PTGFR: variants seen among roughly 807,000 people sequenced by gnomAD.
PTGFR encodes prostaglandin F receptor, also known as prostaglandin F2-alpha receptor.
A neutral mutation model predicts 26.2 loss-of-function variants in PTGFR; 15 were observed. That is an observed-to-expected ratio of 0.57 (90% CI 0.38 to 0.88). The LOEUF is 0.88. Ranked by LOEUF, PTGFR falls within the 40% of genes least tolerant of loss-of-function variation. The pLI is 0.00. For synonymous variants in PTGFR, 165 were observed against 151.1 expected (o/e 1.09, Z -0.68); for missense variants, 369 against 427.2 (o/e 0.86, Z 1.20).
Position 78,529,854 on chromosome 1 carries a change from G to A in PTGFR, c.799-6552G>A, listed in dbSNP as rs988881912. On this transcript the variant is annotated intron_variant, in intron 2 of 2. Coordinates refer to ENST00000370757, the MANE Select transcript of PTGFR (RefSeq NM_000959.4). ...TTCTGCCTCCTGTCAGATCAGTGGC[G>A]GCATTAGATTCTCATAGGAGCACAA... Among the ~76,000 whole-genome samples, 13 of 152,044 alleles carry A rather than the reference G, an allele frequency of 8.6e-5. 1 individual carries two copies. The highest frequency in any genetic ancestry group is 4.1e-4 in the South Asian group (2 of 4,822).
At chr1:78,514,999 G>A (rs1362797057) in intron 2 of PTGFR, among the ~76,000 whole-genome samples, 1 of 152,080 alleles carries the variant, frequency 6.6e-6, no homozygotes, top group African/African-American at 2.4e-5. Flanking sequence ...CTGCAAAACG[G>A]TGAGCCAACT....
intron 2 of PTGFR, among the ~76,000 whole-genome samples, chr1:78,518,433 G>C (rs1031955989): frequency 4.0e-5 from 6 of 151,586 alleles, no homozygotes; most frequent in African/African-American, 1.5e-4. Flanking sequence ...CAAAAAATTA[G>C]GCAACTCTAT....
intron 2 of PTGFR, among the ~76,000 whole-genome samples, chr1:78,524,821 C>A (rs1650328980): frequency 6.9e-6 from 1 of 144,592 alleles, no homozygotes; most frequent in Non-Finnish European, 1.5e-5. Flanking sequence ...CTGTATCTTT[C>A]TATAATAAAA....
rs117486729 is a variant in PTGFR at position 78,494,029 on chromosome 1, G to A, written c.798+488G>A. On this transcript the variant is annotated intron_variant, in intron 2 of 2. Transcript: ENST00000370757. ...GGTGGATAGTTCAGGTGTACTGCAT[G>A]GATAGTTCAAGTGAAGAAATCAGTA... Among the ~76,000 whole-genome samples the A allele has an allele frequency of 1.4e-3, 208 of 152,350 alleles. 3 individuals are homozygous for A. The East Asian group carries it at 0.037, about 27-fold the overall frequency.
chr1:78,539,576 T>G lies in PTGFR; in HGVS notation c.*2889T>G, dbSNP rs1650742579. 6.6e-6 allele frequency: 1 copy of G among 152,540 alleles called. No individual in the cohort carries two copies. The allele number at this position is 152,540 out of a possible 1,614,324, so 9.4% of individuals were successfully genotyped here. ...AATAGTAGATGAAACATGTTTTTCT[T>G]GGTTATGTGAATAAATGTATGTTGT... On this transcript the variant is annotated 3_prime_UTR_variant, in exon 3 of 3. Transcript: ENST00000370757.
At position 78,516,749 on chromosome 1, in the gene PTGFR, T is replaced by A. The variant is rs189525353; in HGVS notation, c.799-19657T>A. 5.6e-3 allele frequency among the ~76,000 whole-genome samples: 841 copies of A among 150,408 alleles called. 14 individuals carry two copies. Among genetic ancestry groups the A allele is most frequent in the African/African-American group, 0.019 (786 of 41,028 alleles). ...AAAAATAACCTAGATTTGTACATAATTTTTTTTTTCCTTTGAGAAGTCGTT... is the reference window on the plus strand; with the variant it reads ...AAAAATAACCTAGATTTGTACATAAATTTTTTTTTCCTTTGAGAAGTCGTT... On this transcript the variant is annotated intron_variant, in intron 2 of 2. Coordinates refer to ENST00000370757, the MANE Select transcript of PTGFR (RefSeq NM_000959.4).
chr1:78,509,783 T>G (rs1649920850), intron 2 of PTGFR, among the ~76,000 whole-genome samples: 1 of 152,242 alleles, frequency 6.6e-6, no homozygotes, highest in Non-Finnish European at 1.5e-5. Context: ...GCCTGCTTAT[T>G]CATATAGTTT....
At chr1:78,518,251 T>C (rs1650139120) in intron 2 of PTGFR, among the ~76,000 whole-genome samples, 1 of 152,168 alleles carries the variant, frequency 6.6e-6, no homozygotes, top group Non-Finnish European at 1.5e-5. Flanking sequence ...TGGTTAATAA[T>C]CTCAATATAA....
At chr1:78,528,900 G>A (rs1329583437) in intron 2 of PTGFR, among the ~76,000 whole-genome samples, 1 of 152,136 alleles carries the variant, frequency 6.6e-6, no homozygotes, top group Non-Finnish European at 1.5e-5. Context: ...GTAGATGGAT[G>A]CTGAGACCGT....
At chr1:78,497,693 AG>A (rs1389575500) in intron 2 of PTGFR, among the ~76,000 whole-genome samples, 2 of 152,216 alleles carry the variant, frequency 1.3e-5, no homozygotes, top group African/African-American at 2.4e-5. Flanking sequence ...GAATGTCAAA[AG>A]ATTGGAAATG....
intron 2 of PTGFR, among the ~76,000 whole-genome samples, chr1:78,534,435 G>T (rs1476179661): frequency 6.6e-6 from 1 of 152,132 alleles, no homozygotes; most frequent in African/African-American, 2.4e-5. Context: ...CTTCAGTGCT[G>T]CCCTACTCAC....
intron 2 of PTGFR, among the ~76,000 whole-genome samples, chr1:78,496,177 A>C (rs1469080680): frequency 6.6e-6 from 1 of 152,222 alleles, no homozygotes; most frequent in Admixed American, 6.5e-5. Flanking sequence ...TAGGGTCCTC[A>C]GACAGGTATA....
At chr1:78,492,293 G>T (rs143662556) in intron 1 of PTGFR, among the ~76,000 whole-genome samples, 89 of 152,276 alleles carry the variant, frequency 5.8e-4, no homozygotes, top group African/African-American at 2.1e-3. Flanking sequence ...ACTTTAAAAG[G>T]TCTCTCTCTC....
intron 2 of PTGFR, among the ~76,000 whole-genome samples, chr1:78,520,061 A>G (rs1218629124): frequency 6.6e-6 from 1 of 152,068 alleles, no homozygotes; most frequent in African/African-American, 2.4e-5. Context: ...GTGCTTAGTA[A>G]CATGAATGTG....
chr1:78,516,456 T>C (rs190624041), intron 2 of PTGFR, among the ~76,000 whole-genome samples: 33 of 152,304 alleles, frequency 2.2e-4, no homozygotes, highest in African/African-American at 7.5e-4. Context: ...AAAGTAAACC[T>C]TAAAAGGAGG....
chr1:78,530,160 C>T (rs901940502), intron 2 of PTGFR, among the ~76,000 whole-genome samples: 2 of 152,176 alleles, frequency 1.3e-5, no homozygotes, highest in African/African-American at 4.8e-5. Context: ...TTCCATCTAT[C>T]ACTATTAGTG....
chr1:78,526,914 T>A (rs1272561673), intron 2 of PTGFR, among the ~76,000 whole-genome samples: 1 of 152,138 alleles, frequency 6.6e-6, no homozygotes, highest in Non-Finnish European at 1.5e-5. Flanking sequence ...TGCAATCTGT[T>A]TTATAGAAGG....
chr1:78,500,367 A>G (rs780777066), intron 2 of PTGFR, among the ~76,000 whole-genome samples: 2 of 152,232 alleles, frequency 1.3e-5, no homozygotes, highest in African/African-American at 4.8e-5. Flanking sequence ...TACTCCTCCC[A>G]GATCTTCCTT....
rs981401004 is a variant in PTGFR, at chr1:78,538,242, A to G, written c.*1555A>G. ...AATGCTTCTATGAATATTTCCATGT[A>G]TTTTGACTGGGGAGAGGCATGGAGA... is the stretch of plus-strand genomic sequence containing the variant. On this transcript the variant is annotated 3_prime_UTR_variant, in exon 3 of 3. Transcript: ENST00000370757. 4 of 152,030 alleles carry G rather than the reference A, an allele frequency of 2.6e-5. No individual in the cohort carries two copies. Among genetic ancestry groups the G allele is most frequent in the Admixed American group, 1.3e-4 (2 of 15,212 alleles). 9.4% of individuals were successfully genotyped at this position (152,030 alleles called of 1,614,324 possible). A position where few individuals can be genotyped will look rare whatever the true frequency, so the allele number is the denominator to read the frequency against.
Sources: gnomAD v4.1 joint callset for allele counts (sites outside exome capture counted in the v4.1 genomes callset) on GRCh38, gnomAD v4.1.1 for gene constraint, MANE v1.5 for transcripts, NCBI Gene and HGNC (gene_info 2026-07-23, HGNC 2026-07-21) for gene names.